The following SV2B variants were observed in gnomAD, a reference collection of about 807,000 sequenced individuals.
The protein encoded by SV2B is synaptic vesicle glycoprotein 2B, also known as solute carrier family 22 member B2.
In SV2B, 41 loss-of-function variants were observed where a neutral mutation model predicts 73.9. The observed-to-expected ratio is 0.56, with a 90% CI of 0.43 to 0.72. The LOEUF (loss-of-function observed/expected upper bound fraction) is 0.72. Among genes scored for constraint, SV2B ranks in the 30% least tolerant of loss-of-function variants. SV2B has a pLI of 0.00. For synonymous variants in SV2B, 314 were observed against 314.2 expected (o/e 1.00, Z 0.01); for missense variants, 764 against 857.8 (o/e 0.89, Z 1.37).
chr15:91,196,230 G>A (rs1221775173), intron 1 of SV2B, among the ~76,000 whole-genome samples: 1 of 152,222 alleles, frequency 6.6e-6, no homozygotes, highest in East Asian at 1.9e-4. Flanking sequence ...CTCAGGGCAA[G>A]GCACGGGGAT....
intron 1 of SV2B, among the ~76,000 whole-genome samples, chr15:91,134,755 G>A (rs1350218732): frequency 6.6e-6 from 1 of 152,066 alleles, no homozygotes; most frequent in Non-Finnish European, 1.5e-5. Context: ...ATATTTATTA[G>A]CTCCTTTTCT....
intron 1 of SV2B, among the ~76,000 whole-genome samples, chr15:91,213,240 C>T (rs1325063369): frequency 6.6e-6 from 1 of 152,032 alleles, no homozygotes; most frequent in Non-Finnish European, 1.5e-5. Flanking sequence ...AGTTGGCTTC[C>T]CAATAGGACC....
In SV2B at chr15:91,232,912, G is replaced by A. The variant is rs975313865; in HGVS notation, c.451+6198G>A. On this transcript the variant is annotated intron_variant, in intron 2 of 12. Coordinates refer to ENST00000394232, the MANE Select transcript of SV2B (RefSeq NM_001323032.3). This position sits in a 1 kb window ranked among gnomAD's most constrained non-coding sequence, Gnocchi z 4.7. ...TCTATTATTCCCATCTGTATGTCACGAATACCCAATATTTAGCGCTCGCTT... is the reference window on the plus strand; with the variant it reads ...TCTATTATTCCCATCTGTATGTCACAAATACCCAATATTTAGCGCTCGCTT... 5.3e-5 allele frequency among the ~76,000 whole-genome samples: 8 copies of A among 152,056 alleles called. No homozygotes were observed. Among genetic ancestry groups the A allele is most frequent in the Admixed American group, 3.9e-4 (6 of 15,276 alleles).
At chr15:91,146,642 C>T (rs1038664949) in intron 1 of SV2B, among the ~76,000 whole-genome samples, 1 of 152,060 alleles carries the variant, frequency 6.6e-6, no homozygotes, top group Non-Finnish European at 1.5e-5. Context: ...TTGTAGTTTT[C>T]CTTGTAGAGA....
At chr15:91,222,309 G>C (rs184158497) in intron 1 of SV2B, among the ~76,000 whole-genome samples, 11 of 152,346 alleles carry the variant, frequency 7.2e-5, no homozygotes, top group African/African-American at 2.4e-4. Flanking sequence ...CAGGTTAAAA[G>C]ATGTAAAGCA....
chr15:91,134,155 C>T (rs1022171720), intron 1 of SV2B, among the ~76,000 whole-genome samples: 39 of 151,802 alleles, frequency 2.6e-4, no homozygotes, highest in Non-Finnish European at 3.5e-4. Flanking sequence ...TGCACCACCA[C>T]GCCTGGCTAA....
In SV2B at chr15:91,297,881, G is replaced by A. The variant is rs976687415; in HGVS notation, c.*5329G>A. 4 of 152,178 alleles carry A rather than the reference G, an allele frequency of 2.6e-5. No individual in the cohort carries two copies. Among genetic ancestry groups the A allele is most frequent in the Non-Finnish European group, 4.4e-5 (3 of 68,044 alleles). 9.4% of individuals were successfully genotyped at this position (152,178 alleles called of 1,614,324 possible). On this transcript the variant is annotated 3_prime_UTR_variant, in exon 13 of 13. Transcript: ENST00000394232. The surrounding 1 kb of genome is among the most constrained non-coding windows in gnomAD (Gnocchi z 5.1). ...CTGGTTGCAGGGCTTGAAGTATTTC[G>A]GAAGCTCAGCAGAGGTTGAACCCTT...
At chr15:91,186,456 T>C (rs967615931) in intron 1 of SV2B, among the ~76,000 whole-genome samples, 1 of 152,232 alleles carries the variant, frequency 6.6e-6, no homozygotes, top group Non-Finnish European at 1.5e-5. Flanking sequence ...TTACTAGCTG[T>C]GTGTCCTTTA....
chr15:91,114,281 T>G (rs2042118665), intron 1 of SV2B, among the ~76,000 whole-genome samples: 1 of 150,572 alleles, frequency 6.6e-6, no homozygotes, highest in East Asian at 2.0e-4. Context: ...GTCTGGACAG[T>G]CTAACACCTT....
At chr15:91,183,751 A>T (rs2044670620) in intron 1 of SV2B, among the ~76,000 whole-genome samples, 1 of 152,254 alleles carries the variant, frequency 6.6e-6, no homozygotes, top group Non-Finnish European at 1.5e-5. Flanking sequence ...GTCAATGAGC[A>T]AACAGATCAA....
intron 1 of SV2B, among the ~76,000 whole-genome samples, chr15:91,204,556 C>CTTTTTTTTTTTT (rs568973449): frequency 1.6e-5 from 2 of 127,820 alleles, no homozygotes; most frequent in Non-Finnish European, 3.4e-5. Context: ...TCTTCTTCTT[C>CTTTTTTTTTTTT]TTTTTTTTTT....
intron 1 of SV2B, among the ~76,000 whole-genome samples, chr15:91,222,341 G>A (rs745935915): frequency 1.2e-4 from 19 of 152,162 alleles, no homozygotes; most frequent in Admixed American, 3.3e-4. Context: ...TAGCACAGAC[G>A]CTGGCACGAA....
chr15:91,138,556 AT>A (rs201443216), intron 1 of SV2B, among the ~76,000 whole-genome samples: 1 of 152,168 alleles, frequency 6.6e-6, no homozygotes, highest in Admixed American at 6.5e-5. Flanking sequence ...CAGATTGAAG[AT>A]TTTTTTAAAA....
Position 91,232,361 on chromosome 15 carries a change from A to G in SV2B, c.451+5647A>G, listed in dbSNP as rs2046610093. On this transcript the variant is annotated intron_variant, in intron 2 of 12. Coordinates refer to ENST00000394232, the MANE Select transcript of SV2B (RefSeq NM_001323032.3). This position sits in a 1 kb window ranked among gnomAD's most constrained non-coding sequence, Gnocchi z 4.7. ...TCTTGTGAGAACAAAAACCATCAGA[A>G]GAAATAGAATAGACTTAAAATGAAG... is the stretch of plus-strand genomic sequence containing the variant. Among the ~76,000 whole-genome samples the G allele has an allele frequency of 6.6e-6, 1 of 152,256 alleles. No homozygotes were observed. The highest frequency in any genetic ancestry group is 1.5e-5 in the Non-Finnish European group (1 of 68,042).
Position 91,124,559 on chromosome 15 carries a change from A to G in SV2B, c.-392+24196A>G, listed in dbSNP as rs1228712214. ...TCCACCATCCCCAAATGCCAAAAAT[A>G]CTTCTTCTCAAAAGAAGACTATTCA... On this transcript the variant is annotated intron_variant, in intron 1 of 12. Transcript: ENST00000394232. The surrounding 1 kb of genome is among the most constrained non-coding windows in gnomAD (Gnocchi z 4.6). Among the ~76,000 whole-genome samples, 1 of 152,220 alleles carries G rather than the reference A, an allele frequency of 6.6e-6. No individual in the cohort carries two copies. The highest frequency in any genetic ancestry group is 1.9e-4 in the East Asian group (1 of 5,200).
intron 1 of SV2B, among the ~76,000 whole-genome samples, chr15:91,149,421 T>C (rs1180386924): frequency 2.6e-5 from 4 of 152,226 alleles, no homozygotes; most frequent in Admixed American, 1.3e-4. Flanking sequence ...GAGCTGGTGA[T>C]TGATTCTAAG....
intron 2 of SV2B, among the ~76,000 whole-genome samples, chr15:91,238,607 T>C (rs922277262): frequency 6.6e-6 from 1 of 152,224 alleles, no homozygotes; most frequent in Non-Finnish European, 1.5e-5. Flanking sequence ...CTGGAGTCAG[T>C]GCCAGCCCAT....
At chr15:91,188,200 A>G (rs1343519185) in intron 1 of SV2B, among the ~76,000 whole-genome samples, 1 of 152,126 alleles carries the variant, frequency 6.6e-6, no homozygotes, top group Non-Finnish European at 1.5e-5. Flanking sequence ...GCCTAAAAAG[A>G]ACCCAAGAAG....
intron 2 of SV2B, among the ~76,000 whole-genome samples, chr15:91,238,183 T>G (rs1330566381): frequency 6.6e-6 from 1 of 152,248 alleles, no homozygotes; most frequent in Non-Finnish European, 1.5e-5. Flanking sequence ...TGTTCCTTTT[T>G]TTCTAATTTA....
Sources: allele counts gnomAD v4.1 joint callset (sites outside exome capture counted in the v4.1 genomes callset), GRCh38; gene constraint gnomAD v4.1.1; non-coding constraint Gnocchi (gnomAD v3.1); transcripts MANE v1.5; gene names NCBI Gene and HGNC (gene_info 2026-07-23, HGNC 2026-07-21).